UNC13B: variants seen among roughly 807,000 people sequenced by gnomAD.
The protein encoded by UNC13B is protein unc-13 homolog B.
Under a neutral mutation model 211.0 loss-of-function variants are expected in UNC13B, and 144 were observed. The observed-to-expected ratio is 0.68, with a 90% CI of 0.60 to 0.78. The LOEUF (loss-of-function observed/expected upper bound fraction) is 0.78. UNC13B is among the 30% of genes least tolerant of loss of function. The pLI is 0.00. For missense variants in UNC13B, 1,777 were observed against 2,002.0 expected, an observed-to-expected ratio of 0.89 and a Z score of 2.14; for synonymous variants, 709 against 725.8, an observed-to-expected ratio of 0.98 and a Z score of 0.37.
Position 35,397,256 on chromosome 9 carries a change from G to A in UNC13B, c.11622G>A (p.Lys3874=). Residue 3874 remains lysine (K), a synonymous_variant, in exon 29 of 40, where the codon AAG becomes AAA. Transcript: ENST00000635942. ...ATCAGAGCTTTGAGATCATCCGGAA[G>A]CTGGAATGCCCAGACCCCAGCATCC... ...QLNQSFEIIR[K]LECPDPSILA... The A allele has an allele frequency of 6.2e-7, 1 of 1,614,182 alleles. No homozygotes were observed. Among genetic ancestry groups the A allele is most frequent in the East Asian group, 2.2e-5 (1 of 44,884 alleles).
rs1227117994 is a variant in UNC13B at position 35,307,060 on chromosome 9, A to G, written c.7656A>G (p.Glu2552=). The G allele has an allele frequency of 2.5e-6, 1 of 398,948 alleles. No individual in the cohort carries two copies. The highest frequency in any genetic ancestry group is 2.1e-5 in the African/African-American group (1 of 48,644). The allele number at this position is 398,948 out of a possible 1,614,324, so 24.7% of individuals were successfully genotyped here. The change falls in exon 9 of 40, where the codon GAA becomes GAG. Residue 2552 remains glutamate (E), a synonymous_variant. Transcript: ENST00000635942. ...GATCAGTACCTCCAGAAAGGAGAGA[A>G]GCTGCCTTTACAGCACTAAGTTCAG... The part of the protein sequence containing the change: ...AVGSVPPERR[E]AAFTALSSES...
chr9:35,231,305 G>A lies in UNC13B; in HGVS notation c.152+86G>A. 5 of 892,938 alleles carry A rather than the reference G, an allele frequency of 5.6e-6. No individual in the cohort carries two copies. In the South Asian group the frequency reaches 6.2e-5, roughly 11 times the overall value. 55.3% of individuals were successfully genotyped at this position (892,938 alleles called of 1,614,324 possible). On this transcript the variant is annotated intron_variant, in intron 3 of 39. Transcript: ENST00000635942. ...TTGGATGAAACAATTAGAAGATTTT[G>A]TGTATTTTTGAGATTTATAAAATGT...
chr9:35,393,716 C>A (rs778501266), intron 26 of UNC13B, among the ~76,000 whole-genome samples: 1 of 151,586 alleles, frequency 6.6e-6, no homozygotes, highest in African/African-American at 2.4e-5. Context: ...GGATTACAAG[C>A]GTGTGCCACC....
intron 1 of UNC13B, among the ~76,000 whole-genome samples, chr9:35,205,042 A>G (rs1042504187): frequency 2.0e-5 from 3 of 152,098 alleles, no homozygotes; most frequent in Non-Finnish European, 4.4e-5. Flanking sequence ...TGAATGGGTT[A>G]ACACCATCCC....
intron 7 of UNC13B, among the ~76,000 whole-genome samples, chr9:35,260,275 C>G (rs955626421): frequency 6.6e-6 from 1 of 152,040 alleles, no homozygotes; most frequent in African/African-American, 2.4e-5. Context: ...TACAGTATGC[C>G]AGATGCCATT....
intron 1 of UNC13B, among the ~76,000 whole-genome samples, chr9:35,220,799 C>T (rs28887496): frequency 0.038 from 5,712 of 152,120 alleles, 337 homozygotes; most frequent in African/African-American, 0.13. Flanking sequence ...AGGATCATAT[C>T]GTAGCTCTAT....
chr9:35,269,860 C>T (rs1827777075), intron 7 of UNC13B, among the ~76,000 whole-genome samples: 2 of 152,122 alleles, frequency 1.3e-5, no homozygotes, highest in African/African-American at 4.8e-5. Flanking sequence ...TCTTCGCATA[C>T]CCCCACCCCT....
intron 1 of UNC13B, chr9:35,227,666 G>A (rs1295330829): frequency 9.7e-6 from 2 of 206,556 alleles, no homozygotes; most frequent in Non-Finnish European, 1.9e-5. Context: ...GAATAGAGGG[G>A]ATTTCTATGC....
chr9:35,327,662 C>T (rs752985670), intron 11 of UNC13B, among the ~76,000 whole-genome samples: 50 of 152,318 alleles, frequency 3.3e-4, no homozygotes, highest in Non-Finnish European at 6.2e-4. Flanking sequence ...TTTCTATCTT[C>T]TGTGGCAACA....
intron 3 of UNC13B, 60 bp from the exon 4 acceptor site, chr9:35,236,409 A>G: frequency 1.5e-6 from 2 of 1,327,986 alleles, no homozygotes; most frequent in Non-Finnish European, 2.1e-6. Flanking sequence ...AAAACAGGAG[A>G]TGTAGTTGTT....
Position 35,399,468 on chromosome 9 carries a change from C to T in UNC13B, c.12255+20C>T, listed in dbSNP as rs1206346311. On this transcript the variant is annotated intron_variant, in intron 35 of 39. Transcript: ENST00000635942. ...CTCAAGGTACTCTGGGTGTGGGGTC[C>T]TCCTGGCAGGTGTGGTCCTTCTGAA... 2 of 1,613,946 alleles carry T rather than the reference C, an allele frequency of 1.2e-6. No homozygotes were observed. Among genetic ancestry groups the T allele is most frequent in the African/African-American group, 2.7e-5 (2 of 74,884 alleles).
intron 1 of UNC13B, among the ~76,000 whole-genome samples, chr9:35,201,788 T>G (rs1216126637): frequency 6.6e-6 from 1 of 152,210 alleles, no homozygotes; most frequent in Non-Finnish European, 1.5e-5. Context: ...AAAAACCAGC[T>G]CCTGGATTCA....
chr9:35,376,351 C>A, intron 15 of UNC13B, 104 bp downstream of exon 15: 1 of 1,146,538 alleles, frequency 8.7e-7, no homozygotes, highest in South Asian at 1.4e-5. Context: ...TTCCCCCAGT[C>A]CACCTGATTC....
intron 17 of UNC13B, among the ~76,000 whole-genome samples, chr9:35,380,218 C>G (rs753664002): frequency 2.6e-5 from 4 of 152,136 alleles, no homozygotes; most frequent in Non-Finnish European, 5.9e-5. Flanking sequence ...TTACTCTTCC[C>G]TCCACCCCTT....
At chr9:35,317,163 G>A (rs1830500960) in intron 11 of UNC13B, among the ~76,000 whole-genome samples, 1 of 152,086 alleles carries the variant, frequency 6.6e-6, no homozygotes, top group South Asian at 2.1e-4. Context: ...CAAACACTGG[G>A]AGTCTGTTGA....
At chr9:35,349,339 T>C (rs955158305) in intron 11 of UNC13B, among the ~76,000 whole-genome samples, 13 of 146,768 alleles carry the variant, frequency 8.9e-5, no homozygotes, top group Non-Finnish European at 1.2e-4. Flanking sequence ...CCCTACATGG[T>C]TGGGGAGGAA....
At chr9:35,399,352 T>C (rs772976743) in intron 34 of UNC13B, 40 bp from the exon 35 acceptor site, 7 of 1,614,018 alleles carry the variant, frequency 4.3e-6, no homozygotes, top group Non-Finnish European at 5.9e-6. Flanking sequence ...CCTGATGGAG[T>C]TGGGGTCCTC....
chr9:35,178,024 G>A (rs138604531), intron 1 of UNC13B, among the ~76,000 whole-genome samples: 46 of 152,254 alleles, frequency 3.0e-4, no homozygotes, highest in Non-Finnish European at 5.0e-4. Context: ...GGCAGTCCAC[G>A]TGTTAAGGTT....
chr9:35,371,447 T>C (rs761933960), intron 13 of UNC13B, among the ~76,000 whole-genome samples: 1 of 152,060 alleles, frequency 6.6e-6, no homozygotes, highest in Non-Finnish European at 1.5e-5. Flanking sequence ...CCCAAAGTGC[T>C]GGGATTACAG....
Sources: allele counts gnomAD v4.1 joint callset (sites outside exome capture counted in the v4.1 genomes callset), GRCh38; gene constraint gnomAD v4.1.1; transcripts MANE v1.5; gene names NCBI Gene and HGNC (gene_info 2026-07-23, HGNC 2026-07-21).